CTNND2: variants seen among roughly 807,000 people sequenced by gnomAD.
The protein encoded by CTNND2 is catenin delta-2.
CTNND2 carries 22 observed loss-of-function variants against 144.4 expected under a neutral mutation model. That is an observed-to-expected ratio of 0.15 (90% CI 0.11 to 0.22). The LOEUF is 0.22. Among genes scored for constraint, CTNND2 ranks in the 10% least tolerant of loss-of-function variants. The probability of loss-of-function intolerance (pLI) is 1.00; values close to 1 mark genes in which losing one functional copy is unlikely to be tolerated. For synonymous variants in CTNND2, 751 were observed against 695.6 expected (o/e 1.08, Z -1.25); for missense variants, 1,353 against 1,618.8 (o/e 0.84, Z 2.82).
rs1422197620 is a variant in CTNND2 at position 11,364,820 on chromosome 5, T to C, written c.1248A>G (p.Pro416=). Residue 416 remains proline (P), a synonymous_variant, in exon 8 of 22, where the codon CCA becomes CCG. Transcript: ENST00000304623. The part of the protein sequence containing the change: ...LGPELRALQS[P]EHHIDPIYED... Reference sequence around the variant, plus strand: ...CATAGATGGGATCTATGTGGTGTTCTGGGGACTGCAGGGCCCGCAACTCTG... The same window carrying C: ...CATAGATGGGATCTATGTGGTGTTCCGGGGACTGCAGGGCCCGCAACTCTG... 6.2e-7 allele frequency: 1 copy of C among 1,613,972 alleles called. No homozygotes were observed. The highest frequency in any genetic ancestry group is 2.2e-5 in the East Asian group (1 of 44,860).
At chr5:11,336,940 G>C (rs1364999714) in intron 9 of CTNND2, among the ~76,000 whole-genome samples, 1 of 152,072 alleles carries the variant, frequency 6.6e-6, no homozygotes, top group Non-Finnish European at 1.5e-5. Context: ...AGGAATGATT[G>C]ACCCAGTGAG....
At chr5:11,878,931 T>C (rs1384116455) in intron 1 of CTNND2, among the ~76,000 whole-genome samples, 2 of 152,222 alleles carry the variant, frequency 1.3e-5, no homozygotes, top group African/African-American at 4.8e-5. Flanking sequence ...TTTTCATTTC[T>C]GTGTCTGCAA....
intron 11 of CTNND2, 133 bp downstream of exon 11, chr5:11,199,315 T>G (rs1211697479): frequency 5.5e-6 from 4 of 725,214 alleles, no homozygotes; most frequent in Non-Finnish European, 9.0e-6. Flanking sequence ...TTTACTCATT[T>G]GAAAACACAT....
At chr5:11,601,700 GATC>G (rs1269966366) in intron 2 of CTNND2, among the ~76,000 whole-genome samples, 1 of 151,932 alleles carries the variant, frequency 6.6e-6, no homozygotes, top group Non-Finnish European at 1.5e-5. Context: ...TATCACTTTT[GATC>G]TTCTTAATAA....
At chr5:11,272,238 G>A (rs1441289219) in intron 9 of CTNND2, among the ~76,000 whole-genome samples, 2 of 151,904 alleles carry the variant, frequency 1.3e-5, no homozygotes, top group Admixed American at 6.6e-5. Flanking sequence ...TCATCTGATC[G>A]CTCACCATCT....
At chr5:11,882,465 T>C (rs1488438736) in intron 1 of CTNND2, among the ~76,000 whole-genome samples, 15 of 151,680 alleles carry the variant, frequency 9.9e-5, no homozygotes, top group Non-Finnish European at 5.9e-5. Context: ...ATAATAAGGG[T>C]CTAGTTTATA....
intron 1 of CTNND2, among the ~76,000 whole-genome samples, chr5:11,753,570 G>A (rs553735251): frequency 1.6e-4 from 25 of 151,802 alleles, no homozygotes; most frequent in Non-Finnish European, 3.5e-4. Context: ...GATTTGGTTC[G>A]TTTGAAATTT....
At chr5:11,586,640 T>C (rs1778881861) in intron 2 of CTNND2, among the ~76,000 whole-genome samples, 1 of 152,234 alleles carries the variant, frequency 6.6e-6, no homozygotes, top group Non-Finnish European at 1.5e-5. Flanking sequence ...CATCTGGAAG[T>C]GTGTGGACAA....
intron 21 of CTNND2, among the ~76,000 whole-genome samples, chr5:10,980,641 A>G (rs978467616): frequency 1.3e-5 from 2 of 152,210 alleles, no homozygotes; most frequent in Non-Finnish European, 2.9e-5. Flanking sequence ...AGCACTTGGA[A>G]CCAACCCAAA....
intron 1 of CTNND2, among the ~76,000 whole-genome samples, chr5:11,732,631 A>G (rs1298462530): frequency 1.3e-5 from 2 of 152,124 alleles, no homozygotes; most frequent in African/African-American, 4.8e-5. Flanking sequence ...TAAATTTATG[A>G]CTATTTTAGG....
chr5:11,048,837 C>T (rs139868178), intron 16 of CTNND2, among the ~76,000 whole-genome samples: 88 of 152,276 alleles, frequency 5.8e-4, no homozygotes, highest in Admixed American at 1.6e-3. Context: ...CCTTGAGAGA[C>T]GTCTGTACAA....
At chr5:11,497,319 A>C (rs1226639395) in intron 3 of CTNND2, among the ~76,000 whole-genome samples, 1 of 151,924 alleles carries the variant, frequency 6.6e-6, no homozygotes, top group Non-Finnish European at 1.5e-5. Flanking sequence ...CTAATGTGAA[A>C]GGTGGATGTA....
chr5:11,695,677 C>T (rs183289728), intron 2 of CTNND2, among the ~76,000 whole-genome samples: 3 of 152,244 alleles, frequency 2.0e-5, no homozygotes, highest in Admixed American at 6.5e-5. Flanking sequence ...CTTAGCTTTG[C>T]GTGAGTTTGA....
intron 1 of CTNND2, among the ~76,000 whole-genome samples, chr5:11,746,185 T>A (rs1380689491): frequency 5.3e-5 from 8 of 152,198 alleles, no homozygotes; most frequent in Admixed American, 5.2e-4. Context: ...TACATCTTAA[T>A]AAACTGTGTT....
chr5:11,641,335 C>T (rs1467047457), intron 2 of CTNND2, among the ~76,000 whole-genome samples: 5 of 151,882 alleles, frequency 3.3e-5, no homozygotes, highest in Admixed American at 1.3e-4. Context: ...TCCCAGGAAC[C>T]GGATAAACCA....
rs1053815863 is a variant in CTNND2, at chr5:10,988,016, C to T, written c.3343+95G>A. ...TGCTAAGTCCTGCTCAGCAGCCAAG[C>T]GCAGCCAGCCCCGTGAAGCCTGATG... On this transcript the variant is annotated intron_variant, in intron 20 of 21. Coordinates refer to ENST00000304623, the MANE Select transcript of CTNND2 (RefSeq NM_001332.4). This position sits in a 1 kb window ranked among gnomAD's most constrained non-coding sequence, Gnocchi z 5.9. The T allele has an allele frequency of 1.3e-5, 20 of 1,528,092 alleles. No individual in the cohort carries two copies. The highest frequency in any genetic ancestry group is 1.8e-5 in the Admixed American group (1 of 55,604). The allele number at this position is 1,528,092 out of a possible 1,614,324, so 94.7% of individuals were successfully genotyped here.
At position 11,138,487 on chromosome 5, in the gene CTNND2, C is replaced by T. The variant is rs144876109; in HGVS notation, c.2160-20920G>A. On this transcript the variant is annotated intron_variant, in intron 12 of 21. Coordinates refer to ENST00000304623, the MANE Select transcript of CTNND2 (RefSeq NM_001332.4). ...GGACACGTGTTAAACTGGGTCAGTG[C>T]GTGTCCTGACACAGCAGGAAGGACC... 1.9e-3 allele frequency among the ~76,000 whole-genome samples: 293 copies of T among 152,290 alleles called. 1 individual carries two copies. Among genetic ancestry groups the T allele is most frequent in the Middle Eastern group, 6.8e-3 (2 of 294 alleles).
chr5:11,799,365 AAAGATATGGGTTCCTTGGC>A (rs1211476747), intron 1 of CTNND2, among the ~76,000 whole-genome samples: 6 of 152,152 alleles, frequency 3.9e-5, no homozygotes, highest in African/African-American at 1.4e-4. Flanking sequence ...ATCTCTGAAT[AAAGATATGGGTTCCTTGGC>A]AATTTCCAAG....
chr5:11,612,020 T>C (rs915245722), intron 2 of CTNND2, among the ~76,000 whole-genome samples: 2 of 151,874 alleles, frequency 1.3e-5, no homozygotes, highest in Non-Finnish European at 2.9e-5. Context: ...AAACATATCA[T>C]ATTCATTTCT....
Sources: gnomAD v4.1 joint callset for allele counts (sites outside exome capture counted in the v4.1 genomes callset) on GRCh38, gnomAD v4.1.1 for gene constraint, Gnocchi (gnomAD v3.1) non-coding constraint, MANE v1.5 for transcripts, NCBI Gene and HGNC (gene_info 2026-07-23, HGNC 2026-07-21) for gene names.